The following STAC variants were observed in gnomAD, a reference collection of about 807,000 sequenced individuals.
STAC encodes SH3 and cysteine-rich domain-containing protein.
In STAC, 43 loss-of-function variants were observed where a neutral mutation model predicts 48.8. That is an observed-to-expected ratio of 0.88 (90% confidence interval 0.69 to 1.14). The LOEUF (loss-of-function observed/expected upper bound fraction) is 1.14, where lower values mean the gene tolerates loss of function less well. Ranked by LOEUF, STAC falls within the 50% of genes most tolerant of loss-of-function variation. The probability of loss-of-function intolerance (pLI) is 0.00; values close to 1 mark genes in which losing one functional copy is unlikely to be tolerated. For synonymous variants in STAC, 193 were observed against 179.5 expected (o/e 1.07, Z -0.60); for missense variants, 497 against 504.0 (o/e 0.99, Z 0.13).
Position 36,456,063 on chromosome 3 carries a change from G to A in STAC, c.388+12423G>A, listed in dbSNP as rs111698724. ...ATGTATGTGCATCACATACACACACGTGCGCACACACACACACACACTCCT... is the reference window on the plus strand; with the variant it reads ...ATGTATGTGCATCACATACACACACATGCGCACACACACACACACACTCCT... On this transcript the variant is annotated intron_variant, in intron 2 of 10. Coordinates refer to ENST00000273183, the MANE Select transcript of STAC (RefSeq NM_003149.3). Among the ~76,000 whole-genome samples, 581 of 74,124 alleles carry A rather than the reference G, an allele frequency of 7.8e-3. 3 individuals are homozygous for A. The highest frequency in any genetic ancestry group is 0.027 in the African/African-American group (535 of 19,842). The allele number at this position is 74,124 out of a possible 152,430, so 48.6% of individuals were successfully genotyped here. A position where few individuals can be genotyped will look rare whatever the true frequency, so the allele number is the denominator to read the frequency against.
chr3:36,438,937 T>G (rs1696234422), intron 1 of STAC, among the ~76,000 whole-genome samples: 1 of 152,220 alleles, frequency 6.6e-6, no homozygotes, highest in South Asian at 2.1e-4. Context: ...CTTTTATCAC[T>G]TTTTAGAAAT....
chr3:36,454,306 G>A (rs943849209), intron 2 of STAC, among the ~76,000 whole-genome samples: 51 of 152,080 alleles, frequency 3.4e-4, no homozygotes, highest in African/African-American at 1.2e-3. Flanking sequence ...GAGCCCACCG[G>A]GAGGAAGGAA....
At chr3:36,489,103 C>T (rs996767973) in intron 5 of STAC, among the ~76,000 whole-genome samples, 2 of 152,170 alleles carry the variant, frequency 1.3e-5, no homozygotes, top group East Asian at 1.9e-4. Flanking sequence ...AGTTGCTCCT[C>T]CCACAAGCCT....
chr3:36,485,193 G>A, intron 4 of STAC, 135 bp downstream of exon 4: 1 of 594,886 alleles, frequency 1.7e-6, no homozygotes, highest in Non-Finnish European at 2.7e-6. Context: ...GGGTATGACT[G>A]TGTGTTTTGC....
intron 10 of STAC, 75 bp downstream of exon 10, chr3:36,529,060 T>G: frequency 2.2e-6 from 3 of 1,377,620 alleles, no homozygotes; most frequent in Non-Finnish European, 1.9e-6. Context: ...ATAATATGTA[T>G]AAATCTGAAT....
intron 1 of STAC, among the ~76,000 whole-genome samples, chr3:36,436,550 C>T (rs1445253312): frequency 6.6e-6 from 1 of 152,204 alleles, no homozygotes; most frequent in Non-Finnish European, 1.5e-5. Context: ...GTTGGGGCCA[C>T]TGCCCACAAT....
chr3:36,480,107 T>C (rs1224165657), intron 2 of STAC, among the ~76,000 whole-genome samples: 1 of 152,236 alleles, frequency 6.6e-6, no homozygotes, highest in Non-Finnish European at 1.5e-5. Context: ...ATAATGATGC[T>C]ATTTCAGAGT....
chr3:36,454,383 GC>G (rs772612298), intron 2 of STAC, among the ~76,000 whole-genome samples: 10 of 151,946 alleles, frequency 6.6e-5, no homozygotes, highest in Non-Finnish European at 7.4e-5. Context: ...TCACTCCTGA[GC>G]CAGCGAGACC....
intron 10 of STAC, among the ~76,000 whole-genome samples, chr3:36,534,449 T>C (rs371484574): frequency 1.4e-4 from 22 of 152,218 alleles, no homozygotes; most frequent in Admixed American, 5.9e-4. Context: ...TTTATAACCC[T>C]ACAAATATGA....
intron 6 of STAC, among the ~76,000 whole-genome samples, chr3:36,499,744 A>C (rs1161148886): frequency 6.6e-6 from 1 of 151,900 alleles, no homozygotes; most frequent in East Asian, 1.9e-4. Context: ...AGGATGTAGA[A>C]AATTTAAAAA....
chr3:36,470,254 G>T (rs36064918), intron 2 of STAC, among the ~76,000 whole-genome samples: 4 of 152,150 alleles, frequency 2.6e-5, no homozygotes, highest in Non-Finnish European at 5.9e-5. Flanking sequence ...TGTCCCACGG[G>T]GTGCTCCCTT....
chr3:36,427,406 C>A (rs1700591339), intron 1 of STAC, among the ~76,000 whole-genome samples: 1 of 152,174 alleles, frequency 6.6e-6, no homozygotes, highest in African/African-American at 2.4e-5. Flanking sequence ...GAAATAAGTG[C>A]CAGAGAGCTC....
intron 2 of STAC, among the ~76,000 whole-genome samples, chr3:36,452,917 G>A (rs574826452): frequency 6.6e-6 from 1 of 152,334 alleles, no homozygotes; most frequent in East Asian, 1.9e-4. Flanking sequence ...GGCAAGGTGG[G>A]CTCAACAAGC....
At chr3:36,518,406 T>C (rs76957451) in intron 8 of STAC, among the ~76,000 whole-genome samples, 433 of 152,284 alleles carry the variant, frequency 2.8e-3, no homozygotes, top group Middle Eastern at 0.024. Flanking sequence ...ATGGCCATTT[T>C]TCATAAGGGT....
At chr3:36,440,802 G>A (rs1430276616) in intron 1 of STAC, among the ~76,000 whole-genome samples, 2 of 152,204 alleles carry the variant, frequency 1.3e-5, no homozygotes, top group African/African-American at 4.8e-5. Context: ...AACTTAGGGG[G>A]TTAAGACAGA....
chr3:36,398,352 AAAGAAAGAAAG>A (rs1473520306), intron 1 of STAC, among the ~76,000 whole-genome samples: 3 of 140,470 alleles, frequency 2.1e-5, no homozygotes, highest in South Asian at 2.3e-4. Flanking sequence ...AGAAAGAAAG[AAAGAAAGAAAG>A]AAAGAAAAGA....
chr3:36,517,212 G>A (rs955259130), intron 8 of STAC, among the ~76,000 whole-genome samples: 7 of 152,128 alleles, frequency 4.6e-5, no homozygotes, highest in East Asian at 1.9e-4. Context: ...GGTATAGCAG[G>A]GTGGTATAGT....
At chr3:36,418,459 A>G (rs1001154536) in intron 1 of STAC, among the ~76,000 whole-genome samples, 1 of 152,128 alleles carries the variant, frequency 6.6e-6, no homozygotes, top group African/African-American at 2.4e-5. Flanking sequence ...ATGATTCCAC[A>G]GTTCTGTGCT....
intron 8 of STAC, among the ~76,000 whole-genome samples, chr3:36,508,745 C>CT (rs903047257): frequency 6.6e-6 from 1 of 151,862 alleles, no homozygotes; most frequent in Non-Finnish European, 1.5e-5. Flanking sequence ...GCAACTCCTG[C>CT]TTTTTTTTCT....
Sources: allele counts gnomAD v4.1 joint callset (sites outside exome capture counted in the v4.1 genomes callset), GRCh38; gene constraint gnomAD v4.1.1; transcripts MANE v1.5; gene names NCBI Gene and HGNC (gene_info 2026-07-23, HGNC 2026-07-21).